Variants in FYB1 observed in about 807,000 individuals in gnomAD.
FYB1 encodes FYN binding protein 1, also known as FYN-binding protein 1.
A neutral mutation model predicts 94.1 loss-of-function variants in FYB1; 41 were observed. That is an observed-to-expected ratio of 0.44 (90% CI 0.34 to 0.57). FYB1 has a LOEUF of 0.57. FYB1 is among the 20% of genes least tolerant of loss of function. FYB1 has a pLI of 0.02. For synonymous variants in FYB1, 367 were observed against 353.2 expected (o/e 1.04, Z -0.44); for missense variants, 1,050 against 976.8 (o/e 1.07, Z -1.00).
intron 1 of FYB1, among the ~76,000 whole-genome samples, chr5:39,253,423 T>C (rs1751808104): frequency 6.6e-6 from 1 of 152,172 alleles, no homozygotes; most frequent in Non-Finnish European, 1.5e-5. Context: ...ACTGAACCTA[T>C]GACTCATCAT....
intron 1 of FYB1, among the ~76,000 whole-genome samples, chr5:39,245,668 T>C (rs1427665758): frequency 1.3e-5 from 2 of 151,770 alleles, no homozygotes; most frequent in African/African-American, 4.8e-5. Flanking sequence ...ATATGATCTC[T>C]GCTCACTGCA....
intron 2 of FYB1, among the ~76,000 whole-genome samples, chr5:39,193,857 T>C (rs889687790): frequency 3.3e-5 from 5 of 152,176 alleles, no homozygotes; most frequent in Non-Finnish European, 5.9e-5. Context: ...CTAACATTTA[T>C]GCCACAGAAG....
rs144321567 is a variant in FYB1, at chr5:39,217,754, G to C, written c.-28+1689C>G. Among the ~76,000 whole-genome samples, 411 of 152,226 alleles carry C rather than the reference G, an allele frequency of 2.7e-3. 1 individual carries two copies. The highest frequency in any genetic ancestry group is 3.8e-3 in the Non-Finnish European group (257 of 68,018). ...CAGCCCAAACCCGCCAGCGAGCCAC[G>C]GTTCACTCTCTTCACTTTCTTGTTT... On this transcript the variant is annotated intron_variant, in intron 1 of 18. Coordinates refer to ENST00000512982, the MANE Select transcript of FYB1 (RefSeq NM_001465.6).
At chr5:39,141,658 T>C (rs1217189255) in intron 3 of FYB1, among the ~76,000 whole-genome samples, 2 of 152,120 alleles carry the variant, frequency 1.3e-5, no homozygotes, top group Non-Finnish European at 2.9e-5. Flanking sequence ...AAAGTAATTA[T>C]GGTTTTTGAC....
At chr5:39,187,779 C>G (rs1160580590) in intron 2 of FYB1, among the ~76,000 whole-genome samples, 1 of 152,108 alleles carries the variant, frequency 6.6e-6, no homozygotes. Context: ...TTTTCAAAGT[C>G]TATTTGTTGT....
At chr5:39,251,708 T>C in intron 1 of FYB1, among the ~76,000 whole-genome samples, 1 of 152,116 alleles carries the variant, frequency 6.6e-6, no homozygotes, top group Non-Finnish European at 1.5e-5. Context: ...AAAATTATTA[T>C]AAAGTTTACT....
At chr5:39,248,628 G>A (rs1326163648) in intron 1 of FYB1, among the ~76,000 whole-genome samples, 15 of 152,210 alleles carry the variant, frequency 9.9e-5, no homozygotes, top group Non-Finnish European at 1.9e-4. Context: ...CTTGAGGTCA[G>A]GAGTTCGAGA....
At position 39,167,590 on chromosome 5, in the gene FYB1, G is replaced by A. The variant is rs1422631314; in HGVS notation, c.1136-13986C>T. On this transcript the variant is annotated intron_variant, in intron 2 of 18. Transcript: ENST00000512982. ...TTGTAAATGTTCCAGAGTATTCTGT[G>A]TTAGGGATAGTCCAGGTTTGTTCAG... is the stretch of plus-strand genomic sequence containing the variant. 2.6e-5 allele frequency among the ~76,000 whole-genome samples: 4 copies of A among 152,150 alleles called. No homozygotes were observed. In the East Asian group the frequency reaches 7.7e-4, roughly 29 times the overall value.
intron 1 of FYB1, among the ~76,000 whole-genome samples, chr5:39,262,779 A>G (rs1487773271): frequency 6.6e-6 from 1 of 152,210 alleles, no homozygotes; most frequent in Non-Finnish European, 1.5e-5. Flanking sequence ...CCCAATGTAG[A>G]GTGAAAGAAG....
Position 39,134,945 on chromosome 5 carries a change from G to T in FYB1, c.1585C>A (p.Leu529Met). Residue 529 changes from leucine to methionine, a missense_variant, in exon 8 of 19, where the codon CTG (leucine) becomes ATG (methionine). Leu to Met is a conservative substitution (Grantham distance 15). Coordinates refer to ENST00000512982, the MANE Select transcript of FYB1 (RefSeq NM_001465.6). ...CCDVKGGKNE[L>M]SFKQGEQIEI... is the part of the protein sequence containing the mutation. ...ATTTGCTCTCCTTGCTTGAAGCTCA[G>T]TTCATTCTTTCCTCCTTTGACATCA... 6.2e-7 allele frequency: 1 copy of T among 1,613,860 alleles called. No homozygotes were observed. The highest frequency in any genetic ancestry group is 1.3e-5 in the African/African-American group (1 of 75,002).
intron 2 of FYB1, among the ~76,000 whole-genome samples, chr5:39,177,846 C>T (rs1472722758): frequency 6.6e-6 from 1 of 152,186 alleles, no homozygotes; most frequent in Non-Finnish European, 1.5e-5. Flanking sequence ...TGCAAGAATA[C>T]CCACTTCCTA....
chr5:39,206,774 A>G (rs746156248), intron 1 of FYB1, among the ~76,000 whole-genome samples: 1 of 152,194 alleles, frequency 6.6e-6, no homozygotes, highest in Non-Finnish European at 1.5e-5. Context: ...TTTCCTATGT[A>G]TGTTGCTAAC....
intron 13 of FYB1, 108 bp downstream of exon 13, chr5:39,124,145 T>A: frequency 1.3e-6 from 1 of 759,752 alleles, no homozygotes; most frequent in Admixed American, 3.7e-5. Flanking sequence ...ACACAATTTA[T>A]TATTTTCAGA....
At chr5:39,170,575 G>A (rs1286032591) in intron 2 of FYB1, among the ~76,000 whole-genome samples, 1 of 152,066 alleles carries the variant, frequency 6.6e-6, no homozygotes, top group Non-Finnish European at 1.5e-5. Context: ...CCTCCCTTGT[G>A]CAAACTTCAT....
chr5:39,202,189 G>A lies in FYB1; in HGVS notation c.772C>T (p.Pro258Ser), dbSNP rs774887386. ...KDHAGEISSL[P>S]FPGVVLKPAA... Reference sequence around the variant, plus strand: ...GGTTTCAAAACCACTCCAGGAAAGGGCAAACTTGAAATCTCCCCTGCATGG... The same window carrying A: ...GGTTTCAAAACCACTCCAGGAAAGGACAAACTTGAAATCTCCCCTGCATGG... Residue 258 changes from proline to serine, a missense_variant, in exon 2 of 19, where the codon CCC (proline) becomes TCC (serine). Coordinates refer to ENST00000512982, the MANE Select transcript of FYB1 (RefSeq NM_001465.6). 2.5e-6 allele frequency: 4 copies of A among 1,613,972 alleles called. No homozygotes were observed. The highest frequency in any genetic ancestry group is 3.4e-6 in the Non-Finnish European group (4 of 1,179,886).
intron 1 of FYB1, among the ~76,000 whole-genome samples, chr5:39,218,174 C>T (rs2150546839): frequency 6.6e-6 from 1 of 152,286 alleles, no homozygotes; most frequent in South Asian, 2.1e-4. Context: ...AAATGGAAAC[C>T]TTTTTAGCCT....
chr5:39,128,236 T>C (rs1323481325), intron 10 of FYB1, among the ~76,000 whole-genome samples: 2 of 152,134 alleles, frequency 1.3e-5, no homozygotes, highest in East Asian at 1.9e-4. Context: ...ATATTGATGG[T>C]AGTTGAAACA....
chr5:39,241,305 C>T (rs1464179473), intron 1 of FYB1, among the ~76,000 whole-genome samples: 1 of 152,116 alleles, frequency 6.6e-6, no homozygotes, highest in Admixed American at 6.6e-5. Context: ...CCATGTACCT[C>T]TGAACCTAAA....
chr5:39,207,664 C>T lies in FYB1; in HGVS notation c.-27-4677G>A, dbSNP rs755658979. Among the ~76,000 whole-genome samples, 87 of 151,694 alleles carry T rather than the reference C, an allele frequency of 5.7e-4. No individual in the cohort carries two copies. The Middle Eastern group carries it at 0.01, about 18-fold the overall frequency. On this transcript the variant is annotated intron_variant, in intron 1 of 18. Transcript: ENST00000512982. ...ATTTGGAAAACTAAAAATATATTAT[C>T]TCTATTATTAGGAACAGGATTTTGT...
Sources: allele counts gnomAD v4.1 joint callset (sites outside exome capture counted in the v4.1 genomes callset), GRCh38; gene constraint gnomAD v4.1.1; transcripts MANE v1.5; gene names NCBI Gene and HGNC (gene_info 2026-07-23, HGNC 2026-07-21).